The following GLIS1 variants were observed in gnomAD, a reference collection of about 807,000 sequenced individuals.
GLIS1 encodes the protein GLIS family zinc finger 1.
GLIS1 carries 24 observed loss-of-function variants against 63.8 expected under a neutral mutation model. The observed-to-expected ratio is 0.38, with a 90% CI of 0.27 to 0.53. The LOEUF is 0.53. Among genes scored for constraint, GLIS1 ranks in the 20% least tolerant of loss-of-function variants. GLIS1 has a pLI of 0.85. For synonymous variants in GLIS1, 450 were observed against 482.5 expected, an observed-to-expected ratio of 0.93 and a Z score of 0.88; for missense variants, 1,036 against 1,074.1, an observed-to-expected ratio of 0.96 and a Z score of 0.50.
At chr1:53,729,515 T>C (rs1366604613) in intron 2 of GLIS1, among the ~76,000 whole-genome samples, 1 of 121,460 alleles carries the variant, frequency 8.2e-6, no homozygotes, top group Non-Finnish European at 1.6e-5. Flanking sequence ...AAAAGCATTG[T>C]TAAAACAGGG....
intron 4 of GLIS1, among the ~76,000 whole-genome samples, chr1:53,534,311 A>G (rs1225339391): frequency 6.6e-6 from 1 of 152,002 alleles, no homozygotes; most frequent in East Asian, 1.9e-4. Context: ...GGGCATCGTA[A>G]TGATTCCATG....
At chr1:53,729,258 C>T (rs1646835160) in intron 2 of GLIS1, among the ~76,000 whole-genome samples, 1 of 152,182 alleles carries the variant, frequency 6.6e-6, no homozygotes, top group African/African-American at 2.4e-5. Flanking sequence ...CGGACCCCTC[C>T]TCACCAAGCC....
intron 10 of GLIS1, among the ~76,000 whole-genome samples, chr1:53,507,978 ACACGTCTATCCCG>A (rs1482211775): frequency 1.2e-3 from 176 of 152,304 alleles, no homozygotes; most frequent in Non-Finnish European, 2.1e-3. Flanking sequence ...GGCCATGCAC[ACACGTCTATCCCG>A]CGTGGACACG....
chr1:53,694,006 G>A (rs1422233859), intron 2 of GLIS1, among the ~76,000 whole-genome samples: 2 of 152,120 alleles, frequency 1.3e-5, no homozygotes, highest in Admixed American at 1.3e-4. Context: ...CTGGGCTCAC[G>A]AAGAGGAGGA....
chr1:53,671,962 CA>C (rs1646157065), intron 2 of GLIS1, among the ~76,000 whole-genome samples: 2 of 152,172 alleles, frequency 1.3e-5, no homozygotes, highest in African/African-American at 4.8e-5. Context: ...TCTTCATTCC[CA>C]CTTCCTCCTA....
intron 2 of GLIS1, among the ~76,000 whole-genome samples, chr1:53,732,197 A>G (rs1646868504): frequency 6.6e-6 from 1 of 152,272 alleles, no homozygotes; most frequent in South Asian, 2.1e-4. Context: ...TCCACCGGAA[A>G]CCTACTGAAG....
rs1557466637 is a variant in GLIS1, at chr1:53,589,840, GAGA to G, written c.1320+4265_1320+4267del. ...CCCTGAGCAGACACTGTCTGACTCA[GAGA>G]AGGTGATCTGCAAATGACTGTCAAT... On this transcript the variant is annotated intron_variant, in intron 4 of 10. Coordinates refer to ENST00000628545, the MANE Select transcript of GLIS1 (RefSeq NM_001367484.1). Among the ~76,000 whole-genome samples the G allele has an allele frequency of 2.0e-5, 3 of 152,344 alleles. No homozygotes were observed. In the East Asian group the frequency reaches 5.8e-4, roughly 29 times the overall value.
At chr1:53,541,275 C>T (rs1039654131) in intron 4 of GLIS1, among the ~76,000 whole-genome samples, 4 of 152,198 alleles carry the variant, frequency 2.6e-5, no homozygotes, top group Non-Finnish European at 4.4e-5. Flanking sequence ...CCTAAGGTTA[C>T]CTTCAGGAGA....
chr1:53,642,981 G>A (rs1645803438), intron 2 of GLIS1, among the ~76,000 whole-genome samples: 1 of 152,194 alleles, frequency 6.6e-6, no homozygotes, highest in Non-Finnish European at 1.5e-5. Context: ...CTGAGGAAAC[G>A]TGTTCTATCG....
rs547441794 is a variant in GLIS1 at position 53,506,452 on chromosome 1, C to T, written c.*167G>A. 5.7e-4 allele frequency: 387 copies of T among 679,250 alleles called. 5 individuals carry two copies. The South Asian group carries it at 7.0e-3, about 12-fold the overall frequency. 42.1% of individuals were successfully genotyped at this position (679,250 alleles called of 1,614,324 possible). On this transcript the variant is annotated 3_prime_UTR_variant, in exon 11 of 11. Coordinates refer to ENST00000628545, the MANE Select transcript of GLIS1 (RefSeq NM_001367484.1). The stretch of plus-strand genomic sequence containing the variant: ...CCCAGCTCAAGCTCGGATGGCGGCT[C>T]CCTGGCAGCGCTGGGTGGGGTGGCA...
chr1:53,509,948 T>A lies in GLIS1; in HGVS notation c.1963A>T (p.Ser655Cys). Residue 655 changes from serine to cysteine, a missense_variant, in exon 9 of 11, where the codon AGC becomes TGC. By Grantham distance (112) the Ser-to-Cys change is moderately radical. Transcript: ENST00000628545. ...GPPPLPPSSQ[S>C]HSPGGQPFPT... ...AAGGGCTGGCCCCCCGGAGAATGGC[T>A]CTGAGAGGATGGGGGCAGCGGCGGT... The A allele has an allele frequency of 1.5e-6, 2 of 1,303,258 alleles. No individual in the cohort carries two copies. Among genetic ancestry groups the A allele is most frequent in the Non-Finnish European group, 2.0e-6 (2 of 1,017,440 alleles). The allele number at this position is 1,303,258 out of a possible 1,614,324, so 80.7% of individuals were successfully genotyped here.
intron 2 of GLIS1, among the ~76,000 whole-genome samples, chr1:53,641,846 GGT>G (rs910746113): frequency 6.6e-6 from 1 of 152,184 alleles, no homozygotes; most frequent in Non-Finnish European, 1.5e-5. Context: ...AAGATCACTG[GGT>G]GCTCTGTGCT....
At chr1:53,683,805 C>T (rs1646301741) in intron 2 of GLIS1, among the ~76,000 whole-genome samples, 1 of 152,208 alleles carries the variant, frequency 6.6e-6, no homozygotes, top group South Asian at 2.1e-4. Flanking sequence ...AGTGGGTGGT[C>T]ACTTGCTGGG....
At chr1:53,695,800 G>C (rs1221719894) in intron 2 of GLIS1, among the ~76,000 whole-genome samples, 1 of 152,222 alleles carries the variant, frequency 6.6e-6, no homozygotes, top group Non-Finnish European at 1.5e-5. Context: ...TTTATATACA[G>C]TGTTTCATTT....
chr1:53,627,242 A>C (rs1349564532), intron 2 of GLIS1, among the ~76,000 whole-genome samples: 1 of 152,216 alleles, frequency 6.6e-6, no homozygotes, highest in Non-Finnish European at 1.5e-5. Flanking sequence ...TGTGAGCCAC[A>C]GATGGTCAGC....
intron 2 of GLIS1, among the ~76,000 whole-genome samples, chr1:53,664,668 C>T (rs1007200076): frequency 4.6e-5 from 7 of 152,158 alleles, no homozygotes; most frequent in Non-Finnish European, 1.0e-4. Context: ...AAACAGCAAA[C>T]AAACGAATAG....
Position 53,560,121 on chromosome 1 carries a change from T to G in GLIS1, c.1321-30169A>C, listed in dbSNP as rs141945126. Among the ~76,000 whole-genome samples, 861 of 152,306 alleles carry G rather than the reference T, an allele frequency of 5.7e-3. 8 individuals carry two copies. The highest frequency in any genetic ancestry group is 0.019 in the African/African-American group (805 of 41,568). On this transcript the variant is annotated intron_variant, in intron 4 of 10. Coordinates refer to ENST00000628545, the MANE Select transcript of GLIS1 (RefSeq NM_001367484.1). This position sits in a 1 kb window ranked among gnomAD's most constrained non-coding sequence, Gnocchi z 4.4. ...AAGCACACACACAACATAAGGAATTTCTAACCAGGACTCTGCTGTGGGCAG... is the reference window on the plus strand; with the variant it reads ...AAGCACACACACAACATAAGGAATTGCTAACCAGGACTCTGCTGTGGGCAG...
intron 2 of GLIS1, among the ~76,000 whole-genome samples, chr1:53,628,779 A>C (rs1043862120): frequency 1.3e-5 from 2 of 152,242 alleles, no homozygotes; most frequent in South Asian, 2.1e-4. Context: ...TGGAGACGGG[A>C]TGGATTTAAC....
At chr1:53,704,100 C>G (rs1646551880) in intron 2 of GLIS1, among the ~76,000 whole-genome samples, 1 of 152,258 alleles carries the variant, frequency 6.6e-6, no homozygotes, top group South Asian at 2.1e-4. Context: ...AACAACCCTT[C>G]TCCCTCAGTG....
Sources: gnomAD v4.1 joint callset for allele counts (sites outside exome capture counted in the v4.1 genomes callset) on GRCh38, gnomAD v4.1.1 for gene constraint, Gnocchi (gnomAD v3.1) non-coding constraint, MANE v1.5 for transcripts, NCBI Gene and HGNC (gene_info 2026-07-23, HGNC 2026-07-21) for gene names.